The following CRTC1 variants were observed in gnomAD, a reference collection of about 807,000 sequenced individuals.
CRTC1 encodes CREB-regulated transcription coactivator 1.
Under a neutral mutation model 66.1 loss-of-function variants are expected in CRTC1, and 18 were observed. That is an observed-to-expected ratio of 0.27 (90% CI 0.19 to 0.40). The LOEUF is 0.40. CRTC1 is among the 10% of genes least tolerant of loss of function. CRTC1 has a pLI of 1.00. For synonymous variants in CRTC1, 416 were observed against 398.8 expected (o/e 1.04, Z -0.51); for missense variants, 669 against 887.9 (o/e 0.75, Z 3.13).
chr19:18,779,751 A>G lies in CRTC1; in HGVS notation c.*2369A>G. The G allele has an allele frequency of 1.8e-5, 4 of 223,876 alleles. No individual in the cohort carries two copies. The highest frequency in any genetic ancestry group is 1.8e-5 in the Non-Finnish European group (2 of 112,154). The allele number at this position is 223,876 out of a possible 1,614,324, so 13.9% of individuals were successfully genotyped here. On this transcript the variant is annotated 3_prime_UTR_variant, in exon 14 of 14. Transcript: ENST00000321949. ...GGCCCATTTTCAGCATCCTGAAGCC[A>G]GATTCACAGTGACATTGTGTTAACG...
intron 1 of CRTC1, among the ~76,000 whole-genome samples, chr19:18,739,610 A>C (rs539773245): frequency 2.0e-4 from 31 of 151,840 alleles, no homozygotes; most frequent in African/African-American, 7.5e-4. Context: ...GCTCGTCCTC[A>C]GGGTCTCAGT....
chr19:18,743,606 G>T (rs1019536514), intron 2 of CRTC1, among the ~76,000 whole-genome samples: 2 of 150,600 alleles, frequency 1.3e-5, no homozygotes, highest in African/African-American at 5.0e-5. Flanking sequence ...ACGGTGTCTG[G>T]GCTCTGCATG....
chr19:18,735,822 C>A (rs1272454477), intron 1 of CRTC1, among the ~76,000 whole-genome samples: 1 of 152,222 alleles, frequency 6.6e-6, no homozygotes, highest in Non-Finnish European at 1.5e-5. Flanking sequence ...CAGGCTGAAG[C>A]TCCCACAGTC....
rs1158452771 is a variant in CRTC1, at chr19:18,780,904, C to T, written c.*3522C>T. On this transcript the variant is annotated 3_prime_UTR_variant, in exon 14 of 14. Transcript: ENST00000321949. Reference sequence around the variant, plus strand: ...GTGCCTCCCTTAGGTGGGCCTTGAGCTGGTTTTTAACCAAACATCCTTCCA... The same window carrying T: ...GTGCCTCCCTTAGGTGGGCCTTGAGTTGGTTTTTAACCAAACATCCTTCCA... 2 of 221,926 alleles carry T rather than the reference C, an allele frequency of 9.0e-6. No homozygotes were observed. Among genetic ancestry groups the T allele is most frequent in the Non-Finnish European group, 1.8e-5 (2 of 111,006 alleles). The allele number at this position is 221,926 out of a possible 1,614,324, so 13.7% of individuals were successfully genotyped here.
intron 1 of CRTC1, among the ~76,000 whole-genome samples, chr19:18,693,977 C>CA (rs2052920240): frequency 6.6e-6 from 1 of 151,782 alleles, no homozygotes; most frequent in Admixed American, 6.6e-5. Flanking sequence ...TACTAAAATA[C>CA]AAAAATTAGC....
At chr19:18,735,006 C>T (rs1477178409) in intron 1 of CRTC1, among the ~76,000 whole-genome samples, 2 of 152,198 alleles carry the variant, frequency 1.3e-5, no homozygotes, top group Non-Finnish European at 2.9e-5. Context: ...TATGGCGAGG[C>T]GTCCGGGCAG....
chr19:18,753,676 G>A (rs1240409664), intron 6 of CRTC1, 91 bp downstream of exon 6: 1 of 879,442 alleles, frequency 1.1e-6, no homozygotes, highest in African/African-American at 1.7e-5. Context: ...AGGTTGGGGT[G>A]GCTTCACCTT....
At position 18,749,883 on chromosome 19, in the gene CRTC1, CAG is replaced by C; in HGVS notation, c.538+9_538+10del. ...ACGTGCACCAGAAAAGAGGTATGGACAGGGGACTCGGGTGTCTCTGCTGGGGT... is the reference window on the plus strand; with the variant it reads ...ACGTGCACCAGAAAAGAGGTATGGACGGGACTCGGGTGTCTCTGCTGGGGT... On this transcript the variant is annotated intron_variant, in intron 5 of 13. Coordinates refer to ENST00000321949, the MANE Select transcript of CRTC1 (RefSeq NM_015321.3). 2.5e-6 allele frequency: 4 copies of C among 1,611,460 alleles called. No individual in the cohort carries two copies. The highest frequency in any genetic ancestry group is 2.2e-5 in the South Asian group (2 of 91,008).
intron 1 of CRTC1, among the ~76,000 whole-genome samples, chr19:18,731,959 C>T (rs1025097502): frequency 2.0e-5 from 3 of 152,316 alleles, no homozygotes; most frequent in South Asian, 2.1e-4. Context: ...TCCTGGGCTC[C>T]GTGGGCTTCA....
intron 1 of CRTC1, among the ~76,000 whole-genome samples, chr19:18,697,260 A>C (rs2145508656): frequency 6.6e-6 from 1 of 151,878 alleles, no homozygotes; most frequent in East Asian, 1.9e-4. Context: ...CACCGGGGGG[A>C]GCAGCCTCAT....
intron 1 of CRTC1, among the ~76,000 whole-genome samples, chr19:18,742,036 C>T (rs1356970823): frequency 1.3e-5 from 2 of 152,170 alleles, no homozygotes; most frequent in African/African-American, 2.4e-5. Context: ...TGCCCAGCCC[C>T]ACCTCTCCTC....
In CRTC1 at chr19:18,777,395, G is replaced by A. The variant is rs371843850; in HGVS notation, c.*13G>A. ...GGACCGCCTGTGAGCGGGCACGCCG[G>A]CACCCTGCCGCTCAGCCGTCCCGAC... On this transcript the variant is annotated 3_prime_UTR_variant, in exon 14 of 14. Transcript: ENST00000321949. This position sits in a 1 kb window ranked among gnomAD's most constrained non-coding sequence, Gnocchi z 5.5. The A allele has an allele frequency of 9.4e-6, 15 of 1,598,692 alleles. No homozygotes were observed. The African/African-American group carries it at 1.9e-4, about 20-fold the overall frequency.
chr19:18,776,474 C>T (rs1026462344), intron 13 of CRTC1, among the ~76,000 whole-genome samples: 1 of 152,232 alleles, frequency 6.6e-6, no homozygotes, highest in South Asian at 2.1e-4. Context: ...TGGCCTCTTC[C>T]AGGCTGGAAG....
chr19:18,685,044 C>T lies in CRTC1; in HGVS notation c.126+1216C>T, dbSNP rs960806264. ...GGTTTGGGTGGGCTTTGCAGATGCT[C>T]GTATCCCTGGTTTCCAGATTCAGCC... On this transcript the variant is annotated intron_variant, in intron 1 of 13. Transcript: ENST00000321949. Among the ~76,000 whole-genome samples the T allele has an allele frequency of 3.9e-5, 6 of 152,268 alleles. No individual in the cohort carries two copies. In the East Asian group the frequency reaches 9.7e-4, roughly 25 times the overall value.
intron 1 of CRTC1, among the ~76,000 whole-genome samples, chr19:18,688,285 T>TGGGGAC (rs758681255): frequency 3.2e-4 from 49 of 151,970 alleles, no homozygotes; most frequent in Non-Finnish European, 5.9e-4. Context: ...CACTTCAGAT[T>TGGGGAC]GGGGACAGGC....
intron 1 of CRTC1, among the ~76,000 whole-genome samples, chr19:18,738,653 TTGTC>T (rs1275067283): frequency 6.6e-6 from 1 of 151,980 alleles, no homozygotes; most frequent in African/African-American, 2.4e-5. Context: ...AATACAAAAA[TTGTC>T]TGAGTGTGGT....
intron 1 of CRTC1, among the ~76,000 whole-genome samples, chr19:18,713,839 C>G (rs1390809192): frequency 1.3e-5 from 2 of 152,240 alleles, no homozygotes; most frequent in African/African-American, 4.8e-5. Context: ...AAAGGCCACG[C>G]AGAGGTGGGA....
intron 1 of CRTC1, among the ~76,000 whole-genome samples, chr19:18,711,193 C>T (rs903425130): frequency 6.6e-6 from 1 of 152,172 alleles, no homozygotes; most frequent in Admixed American, 6.5e-5. Flanking sequence ...GCCTGCTTCT[C>T]GGGGAGGGGC....
intron 1 of CRTC1, among the ~76,000 whole-genome samples, chr19:18,724,592 C>T (rs2053701330): frequency 6.6e-6 from 1 of 151,410 alleles, no homozygotes; most frequent in Non-Finnish European, 1.5e-5. Flanking sequence ...AGGAATCTTT[C>T]CTGCCTCTTC....
Sources: allele counts gnomAD v4.1 joint callset (sites outside exome capture counted in the v4.1 genomes callset), GRCh38; gene constraint gnomAD v4.1.1; non-coding constraint Gnocchi (gnomAD v3.1); transcripts MANE v1.5; gene names NCBI Gene and HGNC (gene_info 2026-07-23, HGNC 2026-07-21).